Variants in LRMDA observed in about 807,000 individuals in gnomAD.
LRMDA encodes the protein leucine-rich melanocyte differentiation-associated protein.
LRMDA carries 18 observed loss-of-function variants against 29.8 expected under a neutral mutation model. The ratio of observed to expected loss-of-function variants is 0.60; its 90% confidence interval spans 0.42 to 0.90. The LOEUF (loss-of-function observed/expected upper bound fraction) is 0.90. LRMDA is among the 40% of genes least tolerant of loss of function. LRMDA has a pLI of 0.00. For missense variants in LRMDA, 273 were observed against 273.9 expected (o/e 1.00, Z 0.02); for synonymous variants, 125 against 109.4 (o/e 1.14, Z -0.89).
At chr10:75,679,866 G>T (rs576773256) in intron 2 of LRMDA, among the ~76,000 whole-genome samples, 3 of 151,840 alleles carry the variant, frequency 2.0e-5, no homozygotes, top group Non-Finnish European at 4.4e-5. Context: ...TCTGTTGCGT[G>T]TTGTGTTATT....
At chr10:76,266,994 AG>A (rs1840013608) in intron 5 of LRMDA, among the ~76,000 whole-genome samples, 2 of 152,130 alleles carry the variant, frequency 1.3e-5, no homozygotes, top group South Asian at 4.1e-4. Context: ...CACATTATCA[AG>A]AGTGCTGATA....
intron 6 of LRMDA, among the ~76,000 whole-genome samples, chr10:76,492,117 T>G (rs1387130108): frequency 6.6e-6 from 1 of 152,088 alleles, no homozygotes; most frequent in Non-Finnish European, 1.5e-5. Context: ...TTGAATTTCT[T>G]TGAGCTTCCT....
At chr10:75,830,230 G>A (rs890873200) in intron 2 of LRMDA, among the ~76,000 whole-genome samples, 1 of 152,174 alleles carries the variant, frequency 6.6e-6, no homozygotes, top group African/African-American at 2.4e-5. Flanking sequence ...TGCTCAGGAG[G>A]TAGAGATGGT....
At chr10:75,932,589 G>A (rs1208983892) in intron 2 of LRMDA, among the ~76,000 whole-genome samples, 1 of 152,042 alleles carries the variant, frequency 6.6e-6, no homozygotes, top group Non-Finnish European at 1.5e-5. Flanking sequence ...TCTAGCCTGG[G>A]CAATAGAGTG....
intron 2 of LRMDA, among the ~76,000 whole-genome samples, chr10:75,947,941 G>A (rs931855482): frequency 6.6e-6 from 1 of 152,158 alleles, no homozygotes; most frequent in Non-Finnish European, 1.5e-5. Context: ...CAGGGAGACT[G>A]TATTTTTGTT....
chr10:75,476,987 C>T (rs963192164), intron 2 of LRMDA, among the ~76,000 whole-genome samples: 1 of 151,568 alleles, frequency 6.6e-6, no homozygotes, highest in Non-Finnish European at 1.5e-5. Flanking sequence ...CTCTTCTTTT[C>T]TCTCTCTCTT....
intron 2 of LRMDA, among the ~76,000 whole-genome samples, chr10:75,875,007 G>C (rs570877319): frequency 6.6e-6 from 1 of 152,282 alleles, no homozygotes; most frequent in Admixed American, 6.5e-5. Flanking sequence ...TCAGTCTCAG[G>C]GCCACATCGT....
At chr10:76,435,570 G>A (rs1450348015) in intron 6 of LRMDA, among the ~76,000 whole-genome samples, 1 of 152,148 alleles carries the variant, frequency 6.6e-6, no homozygotes, top group Non-Finnish European at 1.5e-5. Context: ...ATAACCAAAA[G>A]GAGACAATGT....
intron 5 of LRMDA, among the ~76,000 whole-genome samples, chr10:76,064,263 C>T (rs541301674): frequency 6.6e-6 from 1 of 152,328 alleles, no homozygotes; most frequent in South Asian, 2.1e-4. Flanking sequence ...ACTACTACCA[C>T]AATCCCCATG....
chr10:75,844,589 T>C (rs1480991782), intron 2 of LRMDA, among the ~76,000 whole-genome samples: 1 of 152,190 alleles, frequency 6.6e-6, no homozygotes, highest in Non-Finnish European at 1.5e-5. Context: ...TGCCTTGAAT[T>C]TACTTGTGGC....
At chr10:76,093,838 G>A (rs1564651076) in intron 5 of LRMDA, among the ~76,000 whole-genome samples, 1 of 152,120 alleles carries the variant, frequency 6.6e-6, no homozygotes, top group Non-Finnish European at 1.5e-5. Context: ...GCTTCTGCTG[G>A]TTCCTGTGTC....
intron 2 of LRMDA, among the ~76,000 whole-genome samples, chr10:75,515,769 G>C (rs1331339143): frequency 1.3e-5 from 2 of 151,856 alleles, no homozygotes; most frequent in Non-Finnish European, 2.9e-5. Flanking sequence ...TTGTTACATA[G>C]GTATACTTGT....
intron 5 of LRMDA, among the ~76,000 whole-genome samples, chr10:76,118,430 A>G (rs976073685): frequency 6.6e-6 from 1 of 152,148 alleles, no homozygotes; most frequent in Non-Finnish European, 1.5e-5. Context: ...ACCCAATCAG[A>G]GTGTGTGACA....
chr10:76,229,113 A>G (rs1344570646), intron 5 of LRMDA, among the ~76,000 whole-genome samples: 1 of 152,218 alleles, frequency 6.6e-6, no homozygotes, highest in Non-Finnish European at 1.5e-5. Flanking sequence ...AGCTGGGACA[A>G]TGGAATGCGA....
chr10:76,303,160 A>G (rs1840503135), intron 5 of LRMDA, among the ~76,000 whole-genome samples: 2 of 150,182 alleles, frequency 1.3e-5, no homozygotes, highest in African/African-American at 4.9e-5. Flanking sequence ...CACATTGTCT[A>G]CTTGTCCAGA....
intron 6 of LRMDA, among the ~76,000 whole-genome samples, chr10:76,538,799 T>A (rs1216485014): frequency 6.6e-6 from 1 of 152,138 alleles, no homozygotes; most frequent in Non-Finnish European, 1.5e-5. Flanking sequence ...ATTTTTTTCC[T>A]GTGTTTGCAT....
At chr10:76,469,125 C>T (rs1223696555) in intron 6 of LRMDA, among the ~76,000 whole-genome samples, 2 of 152,168 alleles carry the variant, frequency 1.3e-5, no homozygotes, top group African/African-American at 4.8e-5. Flanking sequence ...TTCTGTGGCA[C>T]TTAAACCATG....
At chr10:75,579,918 A>T (rs184780624) in intron 2 of LRMDA, among the ~76,000 whole-genome samples, 1 of 152,358 alleles carries the variant, frequency 6.6e-6, no homozygotes, top group Admixed American at 6.5e-5. Context: ...GATGGAACGT[A>T]TCTCAAAATA....
chr10:76,344,005 A>G (rs1031703760), intron 6 of LRMDA, among the ~76,000 whole-genome samples: 1 of 151,878 alleles, frequency 6.6e-6, no homozygotes, highest in African/African-American at 2.4e-5. Context: ...TATTTTTAGT[A>G]GAGATGAGGT....
Sources: gnomAD v4.1 joint callset for allele counts (sites outside exome capture counted in the v4.1 genomes callset) on GRCh38, gnomAD v4.1.1 for gene constraint, MANE v1.5 for transcripts, NCBI Gene and HGNC (gene_info 2026-07-23, HGNC 2026-07-21) for gene names.